The following RGS5 variants were observed in gnomAD, a reference collection of about 807,000 sequenced individuals.
RGS5 encodes regulator of G-protein signalling 5.
Under a neutral mutation model 18.9 loss-of-function variants are expected in RGS5, and 20 were observed. That is an observed-to-expected ratio of 1.06 (90% confidence interval 0.74 to 1.54). The LOEUF (loss-of-function observed/expected upper bound fraction) is 1.54, where lower values mean the gene tolerates loss of function less well. Ranked by LOEUF, RGS5 falls within the 40% of genes most tolerant of loss-of-function variation. RGS5 has a pLI of 0.00. For missense variants in RGS5, 201 were observed against 211.8 expected, an observed-to-expected ratio of 0.95 and a Z score of 0.32; for synonymous variants, 57 against 76.2, an observed-to-expected ratio of 0.75 and a Z score of 1.31.
intron 2 of RGS5, among the ~76,000 whole-genome samples, chr1:163,163,395 C>T (rs773853826): frequency 1.1e-4 from 16 of 152,052 alleles, no homozygotes; most frequent in Non-Finnish European, 1.8e-4. Context: ...AGATGGAAAA[C>T]ATACTGATGC....
chr1:163,291,927 G>C (rs1303500225), intron 2 of RGS5, among the ~76,000 whole-genome samples: 2 of 152,104 alleles, frequency 1.3e-5, no homozygotes, highest in Non-Finnish European at 2.9e-5. Context: ...TTTGTGCAGT[G>C]GGCAGGAAGA....
intron 1 of RGS5, among the ~76,000 whole-genome samples, chr1:163,169,261 A>G (rs1276840864): frequency 2.0e-5 from 3 of 151,880 alleles, no homozygotes. Context: ...CCAGTCTATC[A>G]TTGTTGGACA....
intron 4 of RGS5, among the ~76,000 whole-genome samples, chr1:163,151,357 G>T (rs940276603): frequency 4.6e-5 from 7 of 152,132 alleles, no homozygotes; most frequent in Admixed American, 2.0e-4. Context: ...CAAAAAAAGA[G>T]AGGTGTTTAA....
chr1:163,320,745 G>A (rs1003723458), intron 1 of RGS5, among the ~76,000 whole-genome samples: 1 of 152,106 alleles, frequency 6.6e-6, no homozygotes, highest in African/African-American at 2.4e-5. Flanking sequence ...ACATTGAAAG[G>A]AAAGACAAAA....
intron 1 of RGS5, among the ~76,000 whole-genome samples, chr1:163,172,926 G>A (rs1056346587): frequency 6.6e-5 from 10 of 152,026 alleles, no homozygotes; most frequent in South Asian, 2.1e-4. Flanking sequence ...TTCATCCCCC[G>A]TTTCCCTTTC....
intron 2 of RGS5, chr1:163,304,431 A>C (rs984305386): frequency 2.2e-4 from 34 of 152,348 alleles, no homozygotes; most frequent in African/African-American, 7.7e-4. Flanking sequence ...AATCTGAGCA[A>C]AGGTGTTAAA....
chr1:163,189,848 G>T (rs1659267625), intron 1 of RGS5, among the ~76,000 whole-genome samples: 1 of 152,186 alleles, frequency 6.6e-6, no homozygotes, highest in South Asian at 2.1e-4. Context: ...GGAGTCTCAT[G>T]CACCGTGGTA....
intron 2 of RGS5, among the ~76,000 whole-genome samples, chr1:163,162,299 C>G (rs1255713257): frequency 6.6e-6 from 1 of 152,080 alleles, no homozygotes; most frequent in Admixed American, 6.6e-5. Flanking sequence ...CAACTGTGGT[C>G]TTTTTTCCAA....
chr1:163,287,749 T>C (rs568481803), intron 2 of RGS5, among the ~76,000 whole-genome samples: 1 of 152,354 alleles, frequency 6.6e-6, no homozygotes, highest in South Asian at 2.1e-4. Flanking sequence ...TTTACATCTT[T>C]GGGTAATTCT....
intron 1 of RGS5, among the ~76,000 whole-genome samples, chr1:163,182,062 CTAT>C (rs936077406): frequency 4.6e-5 from 7 of 151,932 alleles, no homozygotes; most frequent in African/African-American, 1.7e-4. Flanking sequence ...TAAATGTTAC[CTAT>C]TATTATTATT....
At chr1:163,247,357 T>G (rs535118746) in intron 2 of RGS5, among the ~76,000 whole-genome samples, 1 of 152,176 alleles carries the variant, frequency 6.6e-6, no homozygotes, top group Non-Finnish European at 1.5e-5. Context: ...CACGGAGATA[T>G]GGTGCCATTC....
At position 163,284,475 on chromosome 1, in the gene RGS5, T is replaced by G. The variant is rs1333855871; in HGVS notation, c.-281+21758A>C. Among the ~76,000 whole-genome samples, 58 of 152,184 alleles carry G rather than the reference T, an allele frequency of 3.8e-4. 2 individuals are homozygous for G. The highest frequency in any genetic ancestry group is 3.8e-3 in the Admixed American group (58 of 15,272). ...TTTAAATATCTTTTTTTTCTTACTT[T>G]GAGCATATCTTTTCCACTGAGATTA... On this transcript the variant is annotated intron_variant, in intron 2 of 5. Transcript: ENST00000618415.
At chr1:163,303,818 T>G (rs192316549) in intron 2 of RGS5, among the ~76,000 whole-genome samples, 1 of 151,978 alleles carries the variant, frequency 6.6e-6, no homozygotes, top group Non-Finnish European at 1.5e-5. Context: ...CTCAAAGGAG[T>G]GTGAACCCTA....
intron 2 of RGS5, among the ~76,000 whole-genome samples, chr1:163,165,622 T>G (rs1007030723): frequency 6.6e-6 from 1 of 152,140 alleles, no homozygotes; most frequent in African/African-American, 2.4e-5. Context: ...GTAGGTCAAC[T>G]GGGCTGGGCG....
intron 2 of RGS5, chr1:163,266,742 T>C (rs1648581844): frequency 6.6e-6 from 1 of 152,148 alleles, no homozygotes; most frequent in African/African-American, 2.4e-5. Flanking sequence ...ACTACATCTT[T>C]GATACTTCAC....
At chr1:163,246,834 A>C (rs1476018070) in intron 2 of RGS5, among the ~76,000 whole-genome samples, 2 of 152,224 alleles carry the variant, frequency 1.3e-5, no homozygotes, top group Non-Finnish European at 2.9e-5. Flanking sequence ...GAATCAATCT[A>C]GATTCTCATC....
intron 2 of RGS5, among the ~76,000 whole-genome samples, chr1:163,302,057 T>G (rs1249828493): frequency 2.0e-5 from 3 of 151,654 alleles, no homozygotes; most frequent in Non-Finnish European, 4.4e-5. Flanking sequence ...AGAAAAAGTT[T>G]TTTTCATATA....
intron 2 of RGS5, among the ~76,000 whole-genome samples, chr1:163,285,361 C>T (rs991265738): frequency 1.3e-5 from 2 of 151,982 alleles, no homozygotes; most frequent in African/African-American, 4.8e-5. Flanking sequence ...TCGAACCCAG[C>T]CTGGCCAACA....
rs1404651872 is a variant in RGS5 at position 163,143,457 on chromosome 1, CA to C, written c.*3884del. ...CTCAATATTTATTCATTTTTCTAGTCAAGGCTTTCTAGGATGATAAAATAAA... is the reference window on the plus strand; with the variant it reads ...CTCAATATTTATTCATTTTTCTAGTCAGGCTTTCTAGGATGATAAAATAAA... On this transcript the variant is annotated 3_prime_UTR_variant, in exon 5 of 5. Transcript: ENST00000313961. The C allele has an allele frequency of 6.6e-6, 1 of 152,124 alleles. No individual in the cohort carries two copies. The highest frequency in any genetic ancestry group is 1.5e-5 in the Non-Finnish European group (1 of 67,996). The allele number at this position is 152,124 out of a possible 1,614,324, so 9.4% of individuals were successfully genotyped here. A position where few individuals can be genotyped will look rare whatever the true frequency, so the allele number is the denominator to read the frequency against.
Sources: allele counts gnomAD v4.1 joint callset (sites outside exome capture counted in the v4.1 genomes callset), GRCh38; gene constraint gnomAD v4.1.1; transcripts MANE v1.5; gene names NCBI Gene and HGNC (gene_info 2026-07-23, HGNC 2026-07-21).